KCND2: variants seen among roughly 807,000 people sequenced by gnomAD.
The protein encoded by KCND2 is A-type voltage-gated potassium channel KCND2.
In KCND2, 16 loss-of-function variants were observed where a neutral mutation model predicts 54.4. That is an observed-to-expected ratio of 0.29 (90% CI 0.20 to 0.45). KCND2 has a LOEUF of 0.45. Ranked by LOEUF, KCND2 falls within the 20% of genes least tolerant of loss-of-function variation. KCND2 has a pLI of 1.00. For missense variants in KCND2, 486 were observed against 824.2 expected (o/e 0.59, Z 5.02); for synonymous variants, 317 against 310.7 (o/e 1.02, Z -0.21).
chr7:120,308,109 G>T (rs1799676143), intron 1 of KCND2, among the ~76,000 whole-genome samples: 2 of 151,946 alleles, frequency 1.3e-5, no homozygotes, highest in Admixed American at 1.3e-4. Context: ...CTCAAACCCA[G>T]AACTCTTTCG....
At chr7:120,620,579 T>G (rs1297905404) in intron 1 of KCND2, among the ~76,000 whole-genome samples, 3 of 152,212 alleles carry the variant, frequency 2.0e-5, no homozygotes, top group South Asian at 2.1e-4. Flanking sequence ...TGTAATCAAC[T>G]TATTGTCCAG....
At chr7:120,624,365 T>A (rs1562891015) in intron 1 of KCND2, among the ~76,000 whole-genome samples, 1 of 152,336 alleles carries the variant, frequency 6.6e-6, no homozygotes, top group South Asian at 2.1e-4. Flanking sequence ...ATCTCCAGAC[T>A]TTTCAGATCT....
intron 1 of KCND2, among the ~76,000 whole-genome samples, chr7:120,553,990 G>A (rs1185907827): frequency 6.6e-6 from 1 of 152,118 alleles, no homozygotes; most frequent in Non-Finnish European, 1.5e-5. Flanking sequence ...CTTGACCTTG[G>A]TAAGCAATTC....
chr7:120,300,193 T>C (rs1269108789), intron 1 of KCND2, among the ~76,000 whole-genome samples: 6 of 152,136 alleles, frequency 3.9e-5, no homozygotes, highest in Admixed American at 3.9e-4. Flanking sequence ...AGAGATTCAC[T>C]CCATTAGATT....
intron 1 of KCND2, among the ~76,000 whole-genome samples, chr7:120,617,420 G>A (rs1042426122): frequency 3.3e-5 from 5 of 152,086 alleles, no homozygotes; most frequent in African/African-American, 1.2e-4. Context: ...TTAGAGAAAT[G>A]CAAATCAAAA....
chr7:120,666,541 C>G (rs1791929014), intron 1 of KCND2, among the ~76,000 whole-genome samples: 1 of 151,516 alleles, frequency 6.6e-6, no homozygotes, highest in African/African-American at 2.4e-5. Context: ...TTTTTTTTAC[C>G]CTGTATTTAC....
In KCND2 at chr7:120,621,276, C is replaced by CAAAAAAAAAAAAAA. The variant is rs1175736454; in HGVS notation, c.1116-111612_1116-111599dup. Among the ~76,000 whole-genome samples the CAAAAAAAAAAAAAA allele has an allele frequency of 3.4e-4, 16 of 47,204 alleles. 1 individual carries two copies. Among genetic ancestry groups the CAAAAAAAAAAAAAA allele is most frequent in the East Asian group, 1.2e-3 (2 of 1,610 alleles). 31.0% of individuals were successfully genotyped at this position (47,204 alleles called of 152,430 possible). On this transcript the variant is annotated intron_variant, in intron 1 of 5. Transcript: ENST00000331113. ...TGGGCGACAGAGCAAGACTCCGTCT[C>CAAAAAAAAAAAAAA]AAAAAAAAAAAAAAAAAAAAAAAAA...
intron 1 of KCND2, among the ~76,000 whole-genome samples, chr7:120,316,110 T>A (rs1799807766): frequency 6.6e-6 from 1 of 152,116 alleles, no homozygotes; most frequent in Non-Finnish European, 1.5e-5. Flanking sequence ...TCGTAATAGA[T>A]CATAAAAAAC....
chr7:120,640,816 G>C (rs910351695), intron 1 of KCND2, among the ~76,000 whole-genome samples: 5 of 152,270 alleles, frequency 3.3e-5, no homozygotes, highest in Non-Finnish European at 4.4e-5. Flanking sequence ...TATCTGGGGG[G>C]CCTTTCTCCT....
intron 1 of KCND2, among the ~76,000 whole-genome samples, chr7:120,313,391 T>G (rs1411599022): frequency 6.6e-6 from 1 of 152,212 alleles, no homozygotes; most frequent in Non-Finnish European, 1.5e-5. Context: ...TGTTTCATTA[T>G]AAAGGTAAAG....
intron 1 of KCND2, among the ~76,000 whole-genome samples, chr7:120,384,205 T>G (rs1800955862): frequency 6.6e-6 from 1 of 151,958 alleles, no homozygotes; most frequent in Non-Finnish European, 1.5e-5. Flanking sequence ...TTTCATTGTT[T>G]TTTTCCCCCC....
intron 1 of KCND2, among the ~76,000 whole-genome samples, chr7:120,721,286 C>T (rs1389414833): frequency 6.6e-6 from 1 of 151,938 alleles, no homozygotes; most frequent in South Asian, 2.1e-4. Context: ...TTTTAAGATC[C>T]TCTTCATGTA....
At chr7:120,595,593 A>G (rs866328998) in intron 1 of KCND2, among the ~76,000 whole-genome samples, 17 of 97,200 alleles carry the variant, frequency 1.7e-4, no homozygotes, top group East Asian at 9.0e-4. Flanking sequence ...GTGTGTGTGT[A>G]TATATATATA....
chr7:120,631,968 C>T (rs558355601), intron 1 of KCND2, among the ~76,000 whole-genome samples: 7 of 152,228 alleles, frequency 4.6e-5, no homozygotes, highest in African/African-American at 1.7e-4. Context: ...ACAGTGAAAT[C>T]ATCAGCCTAG....
At chr7:120,398,953 C>T (rs148206334) in intron 1 of KCND2, among the ~76,000 whole-genome samples, 7 of 152,036 alleles carry the variant, frequency 4.6e-5, no homozygotes, top group East Asian at 2.0e-4. Context: ...CAGCTTGTTA[C>T]GCTGCCCAGT....
At chr7:120,666,147 A>T (rs1180029912) in intron 1 of KCND2, among the ~76,000 whole-genome samples, 1 of 152,082 alleles carries the variant, frequency 6.6e-6, no homozygotes, top group South Asian at 2.1e-4. Context: ...ATATCATGAA[A>T]TATTTTACAT....
chr7:120,295,002 A>C (rs1370304164), intron 1 of KCND2, among the ~76,000 whole-genome samples: 1 of 151,880 alleles, frequency 6.6e-6, no homozygotes, highest in Admixed American at 6.6e-5. Flanking sequence ...GGCATTGAAT[A>C]CATTTTTTTG....
intron 1 of KCND2, among the ~76,000 whole-genome samples, chr7:120,396,107 C>T (rs770372098): frequency 1.3e-5 from 2 of 149,640 alleles, no homozygotes; most frequent in African/African-American, 2.6e-5. Flanking sequence ...TTAATAGGTA[C>T]AAGTCCAGGG....
intron 1 of KCND2, among the ~76,000 whole-genome samples, chr7:120,433,610 A>G (rs751973672): frequency 3.4e-4 from 52 of 152,212 alleles, no homozygotes; most frequent in Non-Finnish European, 6.0e-4. Context: ...GACAACCAGC[A>G]CTATTGCCTG....
Sources: allele counts gnomAD v4.1 joint callset (sites outside exome capture counted in the v4.1 genomes callset), GRCh38; gene constraint gnomAD v4.1.1; transcripts MANE v1.5; gene names NCBI Gene and HGNC (gene_info 2026-07-23, HGNC 2026-07-21).